The following PRKG1 variants were observed in gnomAD, a reference collection of about 807,000 sequenced individuals.
The protein encoded by PRKG1 is cGMP-dependent protein kinase 1.
In PRKG1, 35 loss-of-function variants were observed where a neutral mutation model predicts 88.1. The ratio of observed to expected loss-of-function variants is 0.40; its 90% CI spans 0.30 to 0.53. PRKG1 has a LOEUF of 0.53. Ranked by LOEUF, PRKG1 falls within the 20% of genes least tolerant of loss-of-function variation. PRKG1 has a pLI of 0.59. For missense variants in PRKG1, 540 were observed against 839.8 expected, an observed-to-expected ratio of 0.64 and a Z score of 4.41; for synonymous variants, 303 against 292.5, an observed-to-expected ratio of 1.04 and a Z score of -0.37.
At chr10:51,424,452 C>T (rs962030747) in intron 2 of PRKG1, among the ~76,000 whole-genome samples, 4 of 151,974 alleles carry the variant, frequency 2.6e-5, no homozygotes, top group South Asian at 2.1e-4. Context: ...GCAACTATGG[C>T]GTTATAATCT....
intron 2 of PRKG1, among the ~76,000 whole-genome samples, chr10:51,232,541 G>T (rs1425237516): frequency 1.7e-5 from 2 of 116,990 alleles, no homozygotes; most frequent in East Asian, 4.4e-4. Flanking sequence ...ACACCCCAAT[G>T]ATTATTATTC....
At chr10:52,113,229 A>T (rs1395215290) in intron 7 of PRKG1, among the ~76,000 whole-genome samples, 1 of 152,164 alleles carries the variant, frequency 6.6e-6, no homozygotes, top group Non-Finnish European at 1.5e-5. Context: ...CATGAAATAA[A>T]AGTTTGTTGC....
chr10:51,864,496 G>A (rs1404965401), intron 4 of PRKG1, among the ~76,000 whole-genome samples: 1 of 152,216 alleles, frequency 6.6e-6, no homozygotes, highest in African/African-American at 2.4e-5. Context: ...CGTAGTAATT[G>A]CAAGGTAATG....
intron 3 of PRKG1, among the ~76,000 whole-genome samples, chr10:51,682,799 C>T (rs6480412): frequency 0.4 from 61,060 of 151,904 alleles, 12,679 homozygotes; most frequent in African/African-American, 0.46. Context: ...GAGCTCTTTA[C>T]TATAACAGTG....
At chr10:51,835,118 G>C (rs567322738) in intron 4 of PRKG1, among the ~76,000 whole-genome samples, 2 of 152,160 alleles carry the variant, frequency 1.3e-5, no homozygotes, top group Non-Finnish European at 2.9e-5. Context: ...CAGCTCTGGG[G>C]CTGGAGAGAA....
intron 4 of PRKG1, among the ~76,000 whole-genome samples, chr10:51,903,527 A>G (rs1842023913): frequency 2.6e-5 from 4 of 152,174 alleles, no homozygotes; most frequent in Admixed American, 1.3e-4. Context: ...ACACACACAG[A>G]AGAATACATG....
chr10:51,667,579 AT>A (rs66468914), intron 3 of PRKG1, among the ~76,000 whole-genome samples: 72,285 of 151,856 alleles, frequency 0.48, 18,809 homozygotes, highest in East Asian at 0.72. Context: ...TAAAGCTCAC[AT>A]TTTTTTTAAA....
chr10:51,399,162 A>C (rs949883033), intron 2 of PRKG1, among the ~76,000 whole-genome samples: 6 of 151,794 alleles, frequency 4.0e-5, no homozygotes, highest in Non-Finnish European at 8.8e-5. Flanking sequence ...ATACATAAAG[A>C]TATAAGATGT....
At chr10:51,629,974 C>T (rs186440547) in intron 3 of PRKG1, among the ~76,000 whole-genome samples, 4 of 152,244 alleles carry the variant, frequency 2.6e-5, no homozygotes, top group East Asian at 1.9e-4. Context: ...GCTTTGATTG[C>T]GGTTACTGTA....
intron 3 of PRKG1, among the ~76,000 whole-genome samples, chr10:51,534,192 G>A (rs567296498): frequency 4.6e-4 from 70 of 152,104 alleles, no homozygotes; most frequent in Non-Finnish European, 9.6e-4. Context: ...AATTAAAGTT[G>A]TAATTGTGCA....
intron 4 of PRKG1, among the ~76,000 whole-genome samples, chr10:51,874,119 A>G (rs1421261050): frequency 1.3e-5 from 2 of 152,186 alleles, no homozygotes; most frequent in African/African-American, 4.8e-5. Flanking sequence ...AGGCATATTC[A>G]CTAAATCTTG....
intron 4 of PRKG1, among the ~76,000 whole-genome samples, chr10:51,881,984 T>C (rs931073004): frequency 6.6e-5 from 10 of 152,280 alleles, no homozygotes; most frequent in South Asian, 4.1e-4. Context: ...TGATTCTCAG[T>C]CATAGTTCTT....
chr10:51,591,675 G>T (rs1048931216), intron 3 of PRKG1, among the ~76,000 whole-genome samples: 4 of 152,024 alleles, frequency 2.6e-5, no homozygotes, highest in African/African-American at 9.7e-5. Flanking sequence ...AGCATCTTCC[G>T]TAAAAACTTA....
intron 5 of PRKG1, among the ~76,000 whole-genome samples, chr10:51,982,452 T>C (rs1404728987): frequency 1.3e-5 from 2 of 152,234 alleles, no homozygotes; most frequent in East Asian, 3.9e-4. Context: ...CTGATGTTTC[T>C]TCATGCTTTG....
Position 51,939,789 on chromosome 10 carries a change from C to G in PRKG1, c.762+32219C>G, listed in dbSNP as rs532774121. 1.3e-5 allele frequency among the ~76,000 whole-genome samples: 2 copies of G among 150,924 alleles called. 1 individual carries two copies. Among genetic ancestry groups the G allele is most frequent in the African/African-American group, 4.9e-5 (2 of 40,470 alleles). ...TGGTAAATGCAAGAGTACTATATAA[C>G]TGTAGAAGAAAAATCTTTGATTTTC... On this transcript the variant is annotated intron_variant, in intron 5 of 17. Transcript: ENST00000373980.
chr10:52,094,177 A>C (rs973226557), intron 7 of PRKG1, among the ~76,000 whole-genome samples: 1 of 152,142 alleles, frequency 6.6e-6, no homozygotes, highest in African/African-American at 2.4e-5. Context: ...TTGTAGTTGT[A>C]TTATGCTTGA....
chr10:51,482,830 G>A (rs74132507), intron 3 of PRKG1, among the ~76,000 whole-genome samples: 4,524 of 152,108 alleles, frequency 0.03, 202 homozygotes, highest in African/African-American at 0.089. Context: ...TATATTTCAC[G>A]GGTAAGGCTT....
rs967631527 is a variant in PRKG1, at chr10:52,104,074, C to G, written c.936-29766C>G. Among the ~76,000 whole-genome samples the G allele has an allele frequency of 2.0e-5, 3 of 148,952 alleles. No homozygotes were observed. The Admixed American group carries it at 2.0e-4, about 10-fold the overall frequency. ...GTTTATTTTAGCTTAGAATTAATTA[C>G]ATTTAAAATTAAATATAAATCCTGA... On this transcript the variant is annotated intron_variant, in intron 7 of 17. Coordinates refer to ENST00000373980, the MANE Select transcript of PRKG1 (RefSeq NM_006258.4).
At chr10:51,686,606 C>CA (rs1190776261) in intron 3 of PRKG1, among the ~76,000 whole-genome samples, 12 of 152,178 alleles carry the variant, frequency 7.9e-5, no homozygotes, top group African/African-American at 2.9e-4. Context: ...CCTTCCAATT[C>CA]ACAAAACATT....
Sources: allele counts gnomAD v4.1 joint callset (sites outside exome capture counted in the v4.1 genomes callset), GRCh38; gene constraint gnomAD v4.1.1; transcripts MANE v1.5; gene names NCBI Gene and HGNC (gene_info 2026-07-23, HGNC 2026-07-21).